Variants in SBNO1 observed in about 807,000 individuals in gnomAD.
The protein encoded by SBNO1 is protein strawberry notch homolog 1.
A neutral mutation model predicts 173.6 loss-of-function variants in SBNO1; 23 were observed. The ratio of observed to expected loss-of-function variants is 0.13; its 90% CI spans 0.10 to 0.19. The LOEUF (loss-of-function observed/expected upper bound fraction) is 0.19, where lower values mean the gene tolerates loss of function less well. Among genes scored for constraint, SBNO1 ranks in the 10% least tolerant of loss-of-function variants. The pLI is 1.00. For synonymous variants in SBNO1, 632 were observed against 571.5 expected, an observed-to-expected ratio of 1.11 and a Z score of -1.51; for missense variants, 1,238 against 1,671.2, an observed-to-expected ratio of 0.74 and a Z score of 4.52.
rs1288098748 is a variant in SBNO1 at position 123,289,610 on chromosome 12, G to T, written c.*6298C>A. On this transcript the variant is annotated 3_prime_UTR_variant, in exon 32 of 32. Transcript: ENST00000602398. ...CATAGAAAAGTATCCTTTGCTCAGA[G>T]GAGGTAGAACCTGGCCAAAGTTTTA... 6.6e-6 allele frequency: 1 copy of T among 152,222 alleles called. No homozygotes were observed. The highest frequency in any genetic ancestry group is 2.4e-5 in the African/African-American group (1 of 41,448). 9.4% of individuals were successfully genotyped at this position (152,222 alleles called of 1,614,324 possible).
chr12:123,329,476 A>C (rs1870955017), intron 9 of SBNO1, among the ~76,000 whole-genome samples: 1 of 152,042 alleles, frequency 6.6e-6, no homozygotes, highest in African/African-American at 2.4e-5. Context: ...AAGAATAAAA[A>C]GTCACAATTT....
At chr12:123,342,542 C>CA (rs1227874735) in intron 4 of SBNO1, among the ~76,000 whole-genome samples, 1 of 152,182 alleles carries the variant, frequency 6.6e-6, no homozygotes, top group Non-Finnish European at 1.5e-5. Flanking sequence ...ATTTTCAAGG[C>CA]AAAATAATTA....
intron 28 of SBNO1, among the ~76,000 whole-genome samples, chr12:123,305,816 G>A (rs1010011596): frequency 1.3e-5 from 2 of 152,118 alleles, no homozygotes; most frequent in African/African-American, 4.8e-5. Context: ...AAAACTTTAA[G>A]AGGAAGGAGT....
intron 30 of SBNO1, among the ~76,000 whole-genome samples, chr12:123,302,212 C>T (rs1046517376): frequency 4.7e-5 from 7 of 149,520 alleles, no homozygotes; most frequent in African/African-American, 1.5e-4. Flanking sequence ...GGATTACAGG[C>T]GTAAGCCACC....
rs1022121194 is a variant in SBNO1, at chr12:123,294,045, T to C, written c.*1863A>G. The C allele has an allele frequency of 4.6e-5, 7 of 152,312 alleles. No homozygotes were observed. Among genetic ancestry groups the C allele is most frequent in the Non-Finnish European group, 8.8e-5 (6 of 68,104 alleles). The allele number at this position is 152,312 out of a possible 1,614,324, so 9.4% of individuals were successfully genotyped here. A position where few individuals can be genotyped will look rare whatever the true frequency, so the allele number is the denominator to read the frequency against. ...GGCTGCCAGCCGGGTCTAGCGGCCC[T>C]AACAAGGGAAACTGGCTGATACAAA... On this transcript the variant is annotated 3_prime_UTR_variant, in exon 32 of 32. Transcript: ENST00000602398.
chr12:123,350,382 C>A lies in SBNO1; in HGVS notation c.60G>T (p.Pro20=). The A allele has an allele frequency of 6.2e-7, 1 of 1,613,982 alleles. No homozygotes were observed. Among genetic ancestry groups the A allele is most frequent in the Non-Finnish European group, 8.5e-7 (1 of 1,179,912 alleles). The change falls in exon 2 of 32, where the codon CCG becomes CCT. Residue 20 remains proline (P), a synonymous_variant. Transcript: ENST00000602398. ...LAALSESGIS[P]NDLFDIDGGD... is the part of the protein sequence containing the mutation. ...CACCATCAATATCAAAGAGGTCATT[C>A]GGACTAATTCCACTCTCACTCAAAG... is the stretch of plus-strand genomic sequence containing the variant.
Position 123,295,772 on chromosome 12 carries a change from C to T in SBNO1, c.*136G>A. Reference sequence around the variant, plus strand: ...TTTTGCTATCTATTCCAGGTTTGTCCTTACTCCCAAAAAAACTAACTAGAG... The same window carrying T: ...TTTTGCTATCTATTCCAGGTTTGTCTTTACTCCCAAAAAAACTAACTAGAG... On this transcript the variant is annotated 3_prime_UTR_variant, in exon 32 of 32. Coordinates refer to ENST00000602398, the MANE Select transcript of SBNO1 (RefSeq NM_001167856.3). The T allele has an allele frequency of 1.7e-6, 2 of 1,168,774 alleles. No homozygotes were observed. The highest frequency in any genetic ancestry group is 3.1e-5 in the South Asian group (2 of 63,646). The allele number at this position is 1,168,774 out of a possible 1,614,324, so 72.4% of individuals were successfully genotyped here. A position where few individuals can be genotyped will look rare whatever the true frequency, so the allele number is the denominator to read the frequency against.
At chr12:123,347,150 A>C (rs1162033983) in intron 3 of SBNO1, among the ~76,000 whole-genome samples, 1 of 152,068 alleles carries the variant, frequency 6.6e-6, no homozygotes, top group Non-Finnish European at 1.5e-5. Context: ...GATATTGGGA[A>C]AGCGGCAAAA....
intron 1 of SBNO1, among the ~76,000 whole-genome samples, chr12:123,361,404 C>T (rs1008683947): frequency 6.6e-6 from 1 of 150,414 alleles, no homozygotes; most frequent in Non-Finnish European, 1.5e-5. Flanking sequence ...CAAAGTTAAC[C>T]AGACGTGGTG....
At position 123,345,302 on chromosome 12, in the gene SBNO1, A is replaced by C. The variant is rs769503739; in HGVS notation, c.506T>G (p.Leu169Arg). 2.5e-6 allele frequency: 4 copies of C among 1,614,202 alleles called. No homozygotes were observed. In the Admixed American group the frequency reaches 5.0e-5, roughly 20 times the overall value. The change falls in exon 4 of 32, where the codon CTA (leucine) becomes CGA (arginine). Residue 169 changes from leucine to arginine, a missense_variant. This residue lies in a region of SBNO1 where 287 missense variants were observed against 274.1 expected (regional missense o/e 1.05). Transcript: ENST00000602398. ...CTGAGCAATATTAGCAGGTGGCTTT[A>C]GTTTCATCAGTTCATTAAGACTATT... is the stretch of plus-strand genomic sequence containing the variant. ...KNNSLNELMK[L>R]KPPANIAQPV...
rs79437344 is a variant in SBNO1 at position 123,292,202 on chromosome 12, T to C, written c.*3706A>G. 5.0e-3 allele frequency: 760 copies of C among 152,250 alleles called. 6 individuals carry two copies. Among genetic ancestry groups the C allele is most frequent in the South Asian group, 0.039 (190 of 4,820 alleles). The allele number at this position is 152,250 out of a possible 1,614,324, so 9.4% of individuals were successfully genotyped here. ...ATCTCCACGGTGTCTGCCTTTGCCATTGGGAGGCCTGAACTAATCAAACGT... is the reference window on the plus strand; with the variant it reads ...ATCTCCACGGTGTCTGCCTTTGCCACTGGGAGGCCTGAACTAATCAAACGT... On this transcript the variant is annotated 3_prime_UTR_variant, in exon 32 of 32. Transcript: ENST00000602398.
chr12:123,349,243 G>A (rs1873598838), intron 2 of SBNO1: 1 of 152,060 alleles, frequency 6.6e-6, no homozygotes, highest in South Asian at 2.1e-4. Flanking sequence ...GGGACATCAA[G>A]TGCACACAAC....
intron 12 of SBNO1, 47 bp from the exon 13 acceptor site, chr12:123,327,626 T>C (rs779830105): frequency 1.3e-6 from 2 of 1,598,706 alleles, no homozygotes; most frequent in Non-Finnish European, 1.7e-6. Flanking sequence ...AGTAGAATTT[T>C]AACATACAGA....
At position 123,317,454 on chromosome 12, in the gene SBNO1, T is replaced by C. The variant is rs181289771; in HGVS notation, c.2800-98A>G. 9,870 of 1,031,660 alleles carry C rather than the reference T, an allele frequency of 9.6e-3. 64 individuals carry two copies. Among genetic ancestry groups the C allele is most frequent in the Non-Finnish European group, 0.011 (7,687 of 698,932 alleles). 63.9% of individuals were successfully genotyped at this position (1,031,660 alleles called of 1,614,324 possible). On this transcript the variant is annotated intron_variant, in intron 20 of 31. Transcript: ENST00000602398. ...TTCAGCAGACTGCCTATTCTCTCCT[T>C]CTTTCTCAATAATGAAGACTTCCAG...
rs754535214 is a variant in SBNO1 at position 123,320,571 on chromosome 12, G to C, written c.2528C>G (p.Thr843Arg). 6.2e-7 allele frequency: 1 copy of C among 1,614,034 alleles called. No individual in the cohort carries two copies. The highest frequency in any genetic ancestry group is 2.2e-5 in the East Asian group (1 of 44,882). ...SNTNSNSSLI[T>R]SQDAVERAQQ... ...AGCCCTTTCCACAGCATCCTGACTT[G>C]TTATAAGGCTACTGTTACTGTTGGT... The change falls in exon 19 of 32, where the codon ACA becomes AGA. Residue 843 changes from threonine to arginine, a missense_variant. Physicochemically the swap from Thr to Arg is moderately conservative, Grantham distance 71 (BLOSUM62 -1). Coordinates refer to ENST00000602398, the MANE Select transcript of SBNO1 (RefSeq NM_001167856.3).
At position 123,311,045 on chromosome 12, in the gene SBNO1, ATAG is replaced by A. The variant is rs766631542; in HGVS notation, c.3295+7_3295+9del. 1.9e-6 allele frequency: 3 copies of A among 1,588,918 alleles called. No homozygotes were observed. Among genetic ancestry groups the A allele is most frequent in the East Asian group, 2.2e-5 (1 of 44,720 alleles). ...ACAGTTATATGCCCACACAAAGCTAATAGTAGTACCTTTATCGAGAGTAAGAAT... is the reference window on the plus strand; with the variant it reads ...ACAGTTATATGCCCACACAAAGCTAATAGTACCTTTATCGAGAGTAAGAAT... On this transcript the variant is annotated splice_region_variant and intron_variant, in intron 25 of 31. Transcript: ENST00000602398.
rs551886143 is a variant in SBNO1, at chr12:123,315,746, A to G, written c.2936-86T>C. Reference sequence around the variant, plus strand: ...AGATGTATTCCTAGCATTTAACACTAAACTGGTATTGGGAAACCACTAAAC... The same window carrying G: ...AGATGTATTCCTAGCATTTAACACTGAACTGGTATTGGGAAACCACTAAAC... On this transcript the variant is annotated intron_variant, in intron 21 of 31. Transcript: ENST00000602398. 7.0e-4 allele frequency: 524 copies of G among 753,530 alleles called. 1 individual carries two copies. The highest frequency in any genetic ancestry group is 2.4e-3 in the South Asian group (156 of 65,308). The allele number at this position is 753,530 out of a possible 1,614,324, so 46.7% of individuals were successfully genotyped here. A position where few individuals can be genotyped will look rare whatever the true frequency, so the allele number is the denominator to read the frequency against.
rs1028499992 is a variant in SBNO1 at position 123,292,735 on chromosome 12, C to T, written c.*3173G>A. ...ATAGATACATACACACACTACATTG[C>T]TTTGGATGCAGGTTCTTACTAATTT... On this transcript the variant is annotated 3_prime_UTR_variant, in exon 32 of 32. Coordinates refer to ENST00000602398, the MANE Select transcript of SBNO1 (RefSeq NM_001167856.3). The T allele has an allele frequency of 6.6e-6, 1 of 152,140 alleles. No homozygotes were observed. The highest frequency in any genetic ancestry group is 2.4e-5 in the African/African-American group (1 of 41,432). 9.4% of individuals were successfully genotyped at this position (152,140 alleles called of 1,614,324 possible).
rs185050571 is a variant in SBNO1, at chr12:123,331,756, G to A, written c.910-381C>T. Reference sequence around the variant, plus strand: ...AGGATGATCTCGATCTCCTGACCTCGTGATCCGCCCGCCTCAGCCTCCCAA... The same window carrying A: ...AGGATGATCTCGATCTCCTGACCTCATGATCCGCCCGCCTCAGCCTCCCAA... On this transcript the variant is annotated intron_variant, in intron 7 of 31. Transcript: ENST00000602398. Among the ~76,000 whole-genome samples the A allele has an allele frequency of 5.8e-3, 875 of 151,870 alleles. 8 individuals carry two copies. The highest frequency in any genetic ancestry group is 0.02 in the African/African-American group (817 of 41,428).
Sources: allele counts gnomAD v4.1 joint callset (sites outside exome capture counted in the v4.1 genomes callset), GRCh38; gene constraint gnomAD v4.1.1; regional missense constraint gnomAD v4.1.1; transcripts MANE v1.5; gene names NCBI Gene and HGNC (gene_info 2026-07-23, HGNC 2026-07-21).